Variants in ETFDH observed in about 807,000 individuals in gnomAD.
ETFDH encodes electron transfer flavoprotein-ubiquinone oxidoreductase, mitochondrial.
In ETFDH, 61 loss-of-function variants were observed where a neutral mutation model predicts 73.2. That is an observed-to-expected ratio of 0.83 (90% confidence interval 0.68 to 1.03). The LOEUF (loss-of-function observed/expected upper bound fraction) is 1.03. ETFDH is among the 50% of genes least tolerant of loss of function. The pLI is 0.00. For missense variants in ETFDH, 685 were observed against 745.0 expected (o/e 0.92, Z 0.94); for synonymous variants, 243 against 253.3 (o/e 0.96, Z 0.39).
At chr4:158,704,667 G>A (rs762683079) in intron 10 of ETFDH, among the ~76,000 whole-genome samples, 7 of 152,106 alleles carry the variant, frequency 4.6e-5, no homozygotes, top group Non-Finnish European at 1.0e-4. Flanking sequence ...GAGACTAGAG[G>A]TATTGCTTAG....
rs546054944 is a variant in ETFDH, at chr4:158,707,899, A to AG, written c.1691-464dup. 1.4e-4 allele frequency among the ~76,000 whole-genome samples: 22 copies of AG among 152,368 alleles called. No homozygotes were observed. In the East Asian group the frequency reaches 4.2e-3, roughly 29 times the overall value. On this transcript the variant is annotated intron_variant, in intron 12 of 12. Coordinates refer to ENST00000511912, the MANE Select transcript of ETFDH (RefSeq NM_004453.4). Reference sequence around the variant, plus strand: ...GTTTTGCTGTTGGACCTCGAACTGTAGAAGTTATGGCCAGAGTGTGGCAAG... The same window carrying AG: ...GTTTTGCTGTTGGACCTCGAACTGTAGGAAGTTATGGCCAGAGTGTGGCAAG...
At chr4:158,675,066 T>C (rs1192788007) in intron 1 of ETFDH, among the ~76,000 whole-genome samples, 1 of 152,214 alleles carries the variant, frequency 6.6e-6, no homozygotes, top group Non-Finnish European at 1.5e-5. Context: ...TAATAAGATA[T>C]GTCACAAATC....
intron 4 of ETFDH, 124 bp downstream of exon 4, chr4:158,684,797 T>A: frequency 2.8e-6 from 2 of 726,132 alleles, no homozygotes; most frequent in South Asian, 3.1e-5. Context: ...AAGGACTTAC[T>A]CAAAGCTATA....
intron 1 of ETFDH, 75 bp downstream of exon 1, chr4:158,672,565 GGCACCTCTC>G: frequency 7.1e-7 from 1 of 1,406,108 alleles, no homozygotes; most frequent in South Asian, 1.1e-5. Context: ...GGGGGCTGTA[GGCACCTCTC>G]GCCCCTTCTC....
At chr4:158,692,004 C>T (rs1580407729) in intron 6 of ETFDH, among the ~76,000 whole-genome samples, 1 of 152,176 alleles carries the variant, frequency 6.6e-6, no homozygotes, top group Non-Finnish European at 1.5e-5. Flanking sequence ...TATGTGTCAA[C>T]TGATAGTTTA....
At chr4:158,674,364 G>C (rs545706905) in intron 1 of ETFDH, among the ~76,000 whole-genome samples, 1 of 152,098 alleles carries the variant, frequency 6.6e-6, no homozygotes, top group Non-Finnish European at 1.5e-5. Context: ...GGAGGGCAGT[G>C]ATGTAATCTC....
intron 10 of ETFDH, among the ~76,000 whole-genome samples, chr4:158,704,207 A>T (rs1774545901): frequency 6.6e-6 from 1 of 152,220 alleles, no homozygotes; most frequent in Admixed American, 6.5e-5. Context: ...CACAATTAAG[A>T]TACCTCCCAA....
intron 5 of ETFDH, among the ~76,000 whole-genome samples, chr4:158,686,629 T>C (rs968424138): frequency 6.6e-6 from 1 of 152,170 alleles, no homozygotes; most frequent in Non-Finnish European, 1.5e-5. Flanking sequence ...GAAAATAACC[T>C]TTCTAGGTTT....
intron 9 of ETFDH, 43 bp from the exon 10 acceptor site, chr4:158,703,380 T>G (rs369555387): frequency 3.6e-6 from 5 of 1,382,922 alleles, no homozygotes. Context: ...TGTTCTTGTT[T>G]AATATGAACT....
At chr4:158,699,442 C>T (rs1330730191) in intron 9 of ETFDH, among the ~76,000 whole-genome samples, 1 of 152,082 alleles carries the variant, frequency 6.6e-6, no homozygotes, top group Non-Finnish European at 1.5e-5. Context: ...TGGTGACGAG[C>T]GCCTGTGGTC....
chr4:158,694,828 A>T (rs1453430764), intron 6 of ETFDH, among the ~76,000 whole-genome samples: 1 of 152,112 alleles, frequency 6.6e-6, no homozygotes, highest in African/African-American at 2.4e-5. Flanking sequence ...ACTCCTGGGA[A>T]TCTATCTTAT....
intron 1 of ETFDH, among the ~76,000 whole-genome samples, chr4:158,679,001 T>C (rs1332704022): frequency 6.6e-6 from 1 of 152,112 alleles, no homozygotes; most frequent in Non-Finnish European, 1.5e-5. Flanking sequence ...TTCGATCAAA[T>C]ATAATTCATT....
Position 158,706,376 on chromosome 4 carries a change from T to C in ETFDH, c.1468+5T>C. ...CGTGGACTCTGAAACATAAAGGTAA[T>C]TCAAACAAGAGTATGAGTGACATGA... On this transcript the variant is annotated splice_donor_5th_base_variant and intron_variant, in intron 11 of 12. Coordinates refer to ENST00000511912, the MANE Select transcript of ETFDH (RefSeq NM_004453.4). The C allele has an allele frequency of 6.2e-7, 1 of 1,605,118 alleles. No individual in the cohort carries two copies.
chr4:158,681,572 C>T (rs1204783523), intron 2 of ETFDH: 4 of 153,002 alleles, frequency 2.6e-5, no homozygotes, highest in South Asian at 4.1e-4. Flanking sequence ...CTCACTCAGT[C>T]ACTCACCAAG....
At chr4:158,680,303 GA>G (rs2150304252) in intron 1 of ETFDH, among the ~76,000 whole-genome samples, 163 bp from the exon 2 acceptor site, 1 of 152,024 alleles carries the variant, frequency 6.6e-6, no homozygotes, top group South Asian at 2.1e-4. Flanking sequence ...TTTAAGATTT[GA>G]AAACATTGCT....
chr4:158,708,246 A>G, intron 12 of ETFDH, 118 bp from the exon 13 acceptor site: 1 of 689,304 alleles, frequency 1.5e-6, no homozygotes. Flanking sequence ...CTCTATGGGT[A>G]AGCATTCAGA....
In ETFDH at chr4:158,682,369, C is replaced by A. The variant is rs1773884764; in HGVS notation, c.350C>A (p.Ala117Asp). 6.2e-7 allele frequency: 1 copy of A among 1,614,024 alleles called. No homozygotes were observed. Among genetic ancestry groups the A allele is most frequent in the African/African-American group, 1.3e-5 (1 of 74,912 alleles). The change falls in exon 3 of 13, where the codon GCT (alanine) becomes GAT (aspartate). Residue 117 changes from alanine (A) to aspartate (D), a missense_variant. This residue lies in a region of ETFDH where 405 missense variants were observed against 399.3 expected (regional missense o/e 1.01). Coordinates refer to ENST00000511912, the MANE Select transcript of ETFDH (RefSeq NM_004453.4). ...ATAGGAGCTCATACTCTCTCAGGGG[C>A]TTGCCTTGATCCAGGTGCTTTTAAA... Reference protein sequence around the residue: ...AQIGAHTLSGACLDPGAFKEL... With the variant: ...AQIGAHTLSGDCLDPGAFKEL...
intron 9 of ETFDH, among the ~76,000 whole-genome samples, chr4:158,702,753 A>G (rs985137031): frequency 3.9e-5 from 6 of 152,156 alleles, no homozygotes; most frequent in Non-Finnish European, 5.9e-5. Context: ...CTTGGCAATT[A>G]TTGTGAATAG....
chr4:158,703,275 G>A (rs968510058), intron 9 of ETFDH, 148 bp from the exon 10 acceptor site: 1 of 654,562 alleles, frequency 1.5e-6, no homozygotes, highest in Non-Finnish European at 2.7e-6. Flanking sequence ...CCCTTGCTCT[G>A]TTTTATTCCT....
Sources: allele counts gnomAD v4.1 joint callset (sites outside exome capture counted in the v4.1 genomes callset), GRCh38; gene constraint gnomAD v4.1.1; regional missense constraint gnomAD v4.1.1; transcripts MANE v1.5; gene names NCBI Gene and HGNC (gene_info 2026-07-23, HGNC 2026-07-21).